The following ENTREP2 variants were observed in gnomAD, a reference collection of about 807,000 sequenced individuals.
ENTREP2 encodes the protein endosomal transmembrane epsin interactor 2, also known as protein ENTREP2.
At chr15:29,147,745 T>G in the ENTREP2 span, among the ~76,000 whole-genome samples, 1 of 152,200 alleles carries the variant, frequency 6.6e-6, no homozygotes, top group African/African-American at 2.4e-5. Context: ...ATCTTGCAGT[T>G]CCTCAAAAAC....
At chr15:29,437,052 A>G in the ENTREP2 span, among the ~76,000 whole-genome samples, 15 of 152,240 alleles carry the variant, frequency 9.9e-5, no homozygotes, top group Admixed American at 9.8e-4. Context: ...ATTGTCTTTT[A>G]GACGTTACAT....
chr15:29,233,625 T>A, the ENTREP2 span: 1 of 734,388 alleles, frequency 1.4e-6, no homozygotes, highest in Non-Finnish European at 2.4e-6. Context: ...CTATGAAAGG[T>A]GTGCGAGAGC....
the ENTREP2 span, among the ~76,000 whole-genome samples, chr15:29,150,239 G>A: frequency 0.023 from 3,427 of 152,268 alleles, 113 homozygotes; most frequent in African/African-American, 0.078. Flanking sequence ...ACCCTGGAGC[G>A]CCTGGCTTGA....
the ENTREP2 span, among the ~76,000 whole-genome samples, chr15:29,344,931 GACACACACACAC>G: frequency 4.7e-3 from 666 of 142,596 alleles, 6 homozygotes; most frequent in African/African-American, 0.015. Flanking sequence ...CACGCGCGCA[GACACACACACAC>G]ACACACACAC....
the ENTREP2 span, among the ~76,000 whole-genome samples, chr15:29,391,441 T>G: frequency 1.3e-5 from 2 of 152,096 alleles, no homozygotes; most frequent in African/African-American, 4.8e-5. Flanking sequence ...GAAGCAAAAC[T>G]ATAAATTGAT....
chr15:29,133,290 C>T, the ENTREP2 span, among the ~76,000 whole-genome samples: 1 of 152,144 alleles, frequency 6.6e-6, no homozygotes, highest in African/African-American at 2.4e-5. Flanking sequence ...TGATCTACTC[C>T]TGCTCTCAAA....
the ENTREP2 span, among the ~76,000 whole-genome samples, chr15:29,301,571 G>C: frequency 6.6e-6 from 1 of 152,134 alleles, no homozygotes; most frequent in Non-Finnish European, 1.5e-5. Context: ...TGTGTCTCCA[G>C]ATACTACCTT....
the ENTREP2 span, among the ~76,000 whole-genome samples, chr15:29,640,278 C>T: frequency 3.9e-5 from 6 of 151,980 alleles, no homozygotes; most frequent in Non-Finnish European, 7.4e-5. Flanking sequence ...GGACAAATTC[C>T]TAGAAAGACA....
At chr15:29,264,926 A>G in the ENTREP2 span, 2 of 152,232 alleles carry the variant, frequency 1.3e-5, no homozygotes, top group Admixed American at 6.5e-5. Context: ...CCAAAATGCA[A>G]GAATGTTTAG....
At chr15:29,162,984 G>C in the ENTREP2 span, among the ~76,000 whole-genome samples, 1 of 152,080 alleles carries the variant, frequency 6.6e-6, no homozygotes, top group African/African-American at 2.4e-5. Context: ...CACATCACAG[G>C]ACTCTGTGCA....
At chr15:29,342,785 C>G in the ENTREP2 span, among the ~76,000 whole-genome samples, 89 of 152,172 alleles carry the variant, frequency 5.8e-4, no homozygotes, top group African/African-American at 2.1e-3. Flanking sequence ...GCTCTCTGAC[C>G]CCGCCCATTT....
the ENTREP2 span, among the ~76,000 whole-genome samples, chr15:29,646,063 T>A: frequency 6.6e-6 from 1 of 152,178 alleles, no homozygotes; most frequent in African/African-American, 2.4e-5. Context: ...CCAGTTGTAG[T>A]CAACAGAGCT....
At chr15:29,133,792 T>G in the ENTREP2 span, among the ~76,000 whole-genome samples, 6 of 152,180 alleles carry the variant, frequency 3.9e-5, no homozygotes, top group Non-Finnish European at 8.8e-5. Flanking sequence ...CTCTGATCAC[T>G]ATGAACTACA....
At chr15:29,446,374 G>C in the ENTREP2 span, among the ~76,000 whole-genome samples, 1 of 152,172 alleles carries the variant, frequency 6.6e-6, no homozygotes, top group Admixed American at 6.5e-5. Context: ...CTGCTAGGTG[G>C]TTCTTGGAAG....
chr15:29,471,040 G>A, the ENTREP2 span, among the ~76,000 whole-genome samples: 11 of 152,132 alleles, frequency 7.2e-5, no homozygotes, highest in Non-Finnish European at 1.6e-4. Flanking sequence ...TTTTCCTGCC[G>A]ACTCCTGAAT....
the ENTREP2 span, among the ~76,000 whole-genome samples, chr15:29,342,799 T>C: frequency 6.6e-6 from 1 of 152,330 alleles, no homozygotes; most frequent in Admixed American, 6.5e-5. Flanking sequence ...CCCATTTTTC[T>C]TTTGGATATT....
At chr15:29,436,440 C>CA in the ENTREP2 span, among the ~76,000 whole-genome samples, 1 of 152,162 alleles carries the variant, frequency 6.6e-6, no homozygotes, top group Non-Finnish European at 1.5e-5. Flanking sequence ...TCCCCAAAGA[C>CA]ATTCCTATGC....
the ENTREP2 span, among the ~76,000 whole-genome samples, chr15:29,271,538 T>C: frequency 6.6e-6 from 1 of 152,188 alleles, no homozygotes. Context: ...TAGTTAAAAA[T>C]CAACTCATAA....
the ENTREP2 span, among the ~76,000 whole-genome samples, chr15:29,587,726 C>G: frequency 6.6e-6 from 1 of 152,138 alleles, no homozygotes; most frequent in Non-Finnish European, 1.5e-5. Flanking sequence ...GTGGTATGAT[C>G]TCAGCTCACT....
Sources: gnomAD v4.1 joint callset for allele counts (sites outside exome capture counted in the v4.1 genomes callset) on GRCh38, gnomAD v4.1.1 for gene constraint, MANE v1.5 for transcripts, NCBI Gene and HGNC (gene_info 2026-07-23, HGNC 2026-07-21) for gene names.